The following VIT variants were observed in gnomAD, a reference collection of about 807,000 sequenced individuals.
VIT encodes vitrin.
VIT carries 99 observed loss-of-function variants against 78.0 expected under a neutral mutation model. The ratio of observed to expected loss-of-function variants is 1.27; its 90% CI spans 1.08 to 1.50. The LOEUF (loss-of-function observed/expected upper bound fraction) is 1.50, where lower values mean the gene tolerates loss of function less well. VIT is among the 40% of genes most tolerant of loss of function. The probability of loss-of-function intolerance (pLI) is 0.00; values close to 1 mark genes in which losing one functional copy is unlikely to be tolerated. For synonymous variants in VIT, 374 were observed against 334.3 expected (o/e 1.12, Z -1.29); for missense variants, 1,126 against 875.3 (o/e 1.29, Z -3.61).
At chr2:36,747,118 T>C (rs1668183137) in intron 4 of VIT, among the ~76,000 whole-genome samples, 1 of 152,196 alleles carries the variant, frequency 6.6e-6, no homozygotes, top group Non-Finnish European at 1.5e-5. Context: ...TTGAGAGATC[T>C]TCTTGGTATT....
At chr2:36,761,521 G>A (rs956282929) in intron 6 of VIT, among the ~76,000 whole-genome samples, 3 of 152,072 alleles carry the variant, frequency 2.0e-5, no homozygotes, top group South Asian at 2.1e-4. Flanking sequence ...CAGGCGGATC[G>A]CGAGGTCAGG....
chr2:36,789,240 G>C (rs950087708), intron 12 of VIT, among the ~76,000 whole-genome samples: 2 of 152,178 alleles, frequency 1.3e-5, no homozygotes, highest in Admixed American at 1.3e-4. Flanking sequence ...GTGACCTTAA[G>C]CCAGTCACTT....
At chr2:36,717,578 C>A (rs569535019) in intron 2 of VIT, among the ~76,000 whole-genome samples, 3 of 152,188 alleles carry the variant, frequency 2.0e-5, no homozygotes, top group African/African-American at 7.2e-5. Context: ...CACCAGAGTA[C>A]GCAATCATGG....
intron 9 of VIT, among the ~76,000 whole-genome samples, chr2:36,777,070 CAG>C (rs1456951248): frequency 3.1e-5 from 2 of 64,940 alleles, no homozygotes; most frequent in Non-Finnish European, 1.1e-4. Context: ...GCCTGGGCGA[CAG>C]AGCGAGACTC....
intron 1 of VIT, among the ~76,000 whole-genome samples, chr2:36,715,366 G>A (rs1478493740): frequency 6.6e-6 from 1 of 152,010 alleles, no homozygotes; most frequent in African/African-American, 2.4e-5. Context: ...GTGAAACCCA[G>A]TCTCTACTAA....
chr2:36,720,000 T>G (rs1015402545), intron 2 of VIT, among the ~76,000 whole-genome samples: 2 of 152,124 alleles, frequency 1.3e-5, no homozygotes, highest in Non-Finnish European at 2.9e-5. Flanking sequence ...TGGAAAGATA[T>G]TCCATGTTCA....
chr2:36,787,271 G>A lies in VIT; in HGVS notation c.1053G>A (p.Gln351=), dbSNP rs1665169118. Residue 351 remains glutamine (Q), a synonymous_variant, in exon 12 of 16, where the codon CAG becomes CAA. Transcript: ENST00000379242. ...CCGGTCCACTGATGGGTGTTGTCCA[G>A]TATGGGTAAGTGCAGTTAATGTTCT... The part of the protein sequence containing the change: ...GPAGPLMGVV[Q]YGDNPATHFN... 2.5e-6 allele frequency: 4 copies of A among 1,613,364 alleles called. No individual in the cohort carries two copies. Among genetic ancestry groups the A allele is most frequent in the Non-Finnish European group, 3.4e-6 (4 of 1,179,584 alleles).
intron 4 of VIT, among the ~76,000 whole-genome samples, chr2:36,753,191 A>AC (rs2148544441): frequency 8.3e-6 from 1 of 120,304 alleles, no homozygotes; most frequent in South Asian, 3.2e-4. Context: ...GGAGCAACAC[A>AC]CACTGGGGCC....
chr2:36,812,264 C>G (rs1008550041), intron 15 of VIT, among the ~76,000 whole-genome samples: 16 of 152,112 alleles, frequency 1.1e-4, no homozygotes, highest in Non-Finnish European at 2.4e-4. Flanking sequence ...GCACGGCTCT[C>G]CCAGGCACCC....
intron 3 of VIT, among the ~76,000 whole-genome samples, chr2:36,742,513 T>G (rs1667894410): frequency 6.6e-6 from 1 of 152,160 alleles, no homozygotes; most frequent in South Asian, 2.1e-4. Context: ...TTGACCTGTC[T>G]TCCCTGTCCA....
chr2:36,707,209 G>T (rs1665483960), intron 1 of VIT, among the ~76,000 whole-genome samples: 1 of 152,174 alleles, frequency 6.6e-6, no homozygotes, highest in Admixed American at 6.5e-5. Flanking sequence ...ATAACAGACA[G>T]TCCAGGGGCA....
intron 1 of VIT, among the ~76,000 whole-genome samples, chr2:36,704,845 C>G (rs562844710): frequency 2.0e-5 from 3 of 151,148 alleles, no homozygotes; most frequent in Non-Finnish European, 3.0e-5. Context: ...CAGACGCACC[C>G]TCATCTTCCT....
intron 12 of VIT, among the ~76,000 whole-genome samples, chr2:36,787,545 G>A (rs1665188969): frequency 6.6e-6 from 1 of 152,262 alleles, no homozygotes; most frequent in South Asian, 2.1e-4. Flanking sequence ...CTGGAAAACA[G>A]GAGAGATGCG....
chr2:36,768,174 G>A (rs1038395873), intron 7 of VIT, among the ~76,000 whole-genome samples: 9 of 152,188 alleles, frequency 5.9e-5, no homozygotes, highest in Non-Finnish European at 1.0e-4. Flanking sequence ...GCTCACGCCT[G>A]TAATCCCAGC....
chr2:36,802,239 A>G (rs1399574254), intron 13 of VIT, among the ~76,000 whole-genome samples: 2 of 152,298 alleles, frequency 1.3e-5, no homozygotes, highest in African/African-American at 4.8e-5. Context: ...CACACTAACC[A>G]AGCTCAAAGA....
At chr2:36,743,867 A>G (rs1159735350) in intron 4 of VIT, among the ~76,000 whole-genome samples, 1 of 152,054 alleles carries the variant, frequency 6.6e-6, no homozygotes, top group Non-Finnish European at 1.5e-5. Flanking sequence ...ACAAAGGCAT[A>G]TTACATGATG....
chr2:36,725,085 C>A (rs1168610163), intron 2 of VIT, among the ~76,000 whole-genome samples: 1 of 152,160 alleles, frequency 6.6e-6, no homozygotes, highest in Non-Finnish European at 1.5e-5. Context: ...GTAAATACAC[C>A]TAAAAAATGT....
intron 9 of VIT, among the ~76,000 whole-genome samples, chr2:36,778,117 A>G (rs1670180516): frequency 1.3e-5 from 2 of 152,216 alleles, no homozygotes; most frequent in Admixed American, 1.3e-4. Context: ...CTGTTATTTA[A>G]TTTTTAAAAA....
chr2:36,701,105 T>TAA (rs10650621), intron 1 of VIT, among the ~76,000 whole-genome samples: 38,965 of 150,154 alleles, frequency 0.26, 5,377 homozygotes, highest in Non-Finnish European at 0.31. Flanking sequence ...GAAATTTCTT[T>TAA]AAAAAAAAAA....
Sources: gnomAD v4.1 joint callset for allele counts (sites outside exome capture counted in the v4.1 genomes callset) on GRCh38, gnomAD v4.1.1 for gene constraint, MANE v1.5 for transcripts, NCBI Gene and HGNC (gene_info 2026-07-23, HGNC 2026-07-21) for gene names.